GNPTAB: variants seen among roughly 807,000 people sequenced by gnomAD.
GNPTAB encodes the protein N-acetylglucosamine-1-phosphate transferase subunits alpha and beta, also known as N-acetylglucosamine-1-phosphotransferase subunits alpha/beta.
In GNPTAB, 92 loss-of-function variants were observed where a neutral mutation model predicts 136.6. That is an observed-to-expected ratio of 0.67 (90% confidence interval 0.57 to 0.80). The LOEUF (loss-of-function observed/expected upper bound fraction) is 0.80, where lower values mean the gene tolerates loss of function less well. Among genes scored for constraint, GNPTAB ranks in the 30% least tolerant of loss-of-function variants. The pLI is 0.00. For synonymous variants in GNPTAB, 512 were observed against 535.1 expected (o/e 0.96, Z 0.60); for missense variants, 1,343 against 1,501.8 (o/e 0.89, Z 1.75).
intron 20 of GNPTAB, among the ~76,000 whole-genome samples, chr12:101,748,676 G>C (rs1192575959): frequency 6.6e-6 from 1 of 152,200 alleles, no homozygotes; most frequent in East Asian, 1.9e-4. Flanking sequence ...GGAGCTACTG[G>C]TGTGAGTGGG....
At chr12:101,784,898 G>A (rs1171751107) in intron 5 of GNPTAB, among the ~76,000 whole-genome samples, 4 of 152,104 alleles carry the variant, frequency 2.6e-5, no homozygotes, top group African/African-American at 9.7e-5. Flanking sequence ...CCATGCAGAG[G>A]AGGAATGAGA....
At chr12:101,804,801 G>C (rs1461875612) in intron 1 of GNPTAB, among the ~76,000 whole-genome samples, 2 of 152,212 alleles carry the variant, frequency 1.3e-5, no homozygotes, top group African/African-American at 2.4e-5. Context: ...AAGGTGGCAA[G>C]TCAGAACAAC....
At chr12:101,752,421 TCAAAA>T (rs547835167) in intron 19 of GNPTAB, among the ~76,000 whole-genome samples, 30 of 152,274 alleles carry the variant, frequency 2.0e-4, no homozygotes, top group Admixed American at 2.6e-4. Context: ...CAAGACTGTC[TCAAAA>T]CAAAACAAAA....
chr12:101,761,418 G>C, intron 14 of GNPTAB, 72 bp from the exon 15 acceptor site: 1 of 1,497,500 alleles, frequency 6.7e-7, no homozygotes, highest in Non-Finnish European at 9.3e-7. Flanking sequence ...TGCAGAGATG[G>C]ACTTTTTTCT....
intron 1 of GNPTAB, among the ~76,000 whole-genome samples, chr12:101,809,185 A>ATGC (rs1870094776): frequency 6.6e-6 from 1 of 152,238 alleles, no homozygotes; most frequent in African/African-American, 2.4e-5. Flanking sequence ...ATATAAAATG[A>ATGC]TGCTCAACAT....
chr12:101,826,403 T>C (rs1187387997), intron 1 of GNPTAB, among the ~76,000 whole-genome samples: 2 of 152,156 alleles, frequency 1.3e-5, no homozygotes, highest in Admixed American at 6.5e-5. Context: ...TCTACAACCC[T>C]CTATTAGTAA....
intron 13 of GNPTAB, among the ~76,000 whole-genome samples, chr12:101,763,235 AAAG>A (rs1227802402): frequency 3.7e-4 from 27 of 73,754 alleles, no homozygotes; most frequent in East Asian, 1.6e-3. Context: ...AAAAAAAAAA[AAAG>A]AAAGGAAAGG....
chr12:101,783,304 T>C (rs1037615754), intron 5 of GNPTAB, among the ~76,000 whole-genome samples: 2 of 152,074 alleles, frequency 1.3e-5, no homozygotes, highest in African/African-American at 4.8e-5. Context: ...CACTTCCCAT[T>C]GACACATTTT....
At chr12:101,785,777 A>C (rs1868607994) in intron 5 of GNPTAB, 2 of 498,464 alleles carry the variant, frequency 4.0e-6, no homozygotes, top group Admixed American at 3.5e-5. Flanking sequence ...TATCAGATTG[A>C]AAGTCCTCAT....
At chr12:101,812,269 T>C (rs1173854508) in intron 1 of GNPTAB, among the ~76,000 whole-genome samples, 2 of 151,716 alleles carry the variant, frequency 1.3e-5, no homozygotes, top group Admixed American at 6.6e-5. Context: ...TAAATTAAAA[T>C]AAACAACCAG....
intron 18 of GNPTAB, among the ~76,000 whole-genome samples, chr12:101,754,514 AG>A (rs1203059808): frequency 2.0e-4 from 31 of 152,298 alleles, no homozygotes; most frequent in African/African-American, 7.2e-4. Flanking sequence ...AATAATTGAG[AG>A]AGAGAGACAG....
intron 1 of GNPTAB, among the ~76,000 whole-genome samples, chr12:101,825,283 T>C (rs538528078): frequency 6.6e-6 from 1 of 152,314 alleles, no homozygotes; most frequent in African/African-American, 2.4e-5. Context: ...CATCTTCCAC[T>C]GTACAGTCTA....
At chr12:101,827,816 C>T (rs535854802) in intron 1 of GNPTAB, among the ~76,000 whole-genome samples, 17 of 152,022 alleles carry the variant, frequency 1.1e-4, no homozygotes, top group Admixed American at 8.5e-4. Context: ...AATACAAAAA[C>T]TTAGTCTAGC....
At position 101,771,128 on chromosome 12, in the gene GNPTAB, C is replaced by T. The variant is rs764029931; in HGVS notation, c.801G>A (p.Ala267=). The T allele has an allele frequency of 1.3e-5, 21 of 1,613,696 alleles. No individual in the cohort carries two copies. The highest frequency in any genetic ancestry group is 3.3e-5 in the South Asian group (3 of 91,080). The change falls in exon 8 of 21, where the codon GCG becomes GCA. Residue 267 remains alanine (A), a synonymous_variant. Coordinates refer to ENST00000299314, the MANE Select transcript of GNPTAB (RefSeq NM_024312.5). ...LLQLYSEASV[A]LLKLNNPKDF... The stretch of plus-strand genomic sequence containing the variant: ...CCTTGGGGTTATTCAGTTTTAGAAG[C>T]GCTACACTGGCCTCTGAATACAACT...
Position 101,804,414 on chromosome 12 carries a change from T to C in GNPTAB, c.118-7652A>G, listed in dbSNP as rs114109873. 2.2e-3 allele frequency among the ~76,000 whole-genome samples: 329 copies of C among 151,952 alleles called. 1 individual carries two copies. Among genetic ancestry groups the C allele is most frequent in the African/African-American group, 6.6e-3 (275 of 41,450 alleles). On this transcript the variant is annotated intron_variant, in intron 1 of 20. Transcript: ENST00000299314. ...TATTCAAACCGACTTTCTGAATATATCTATGTTGTTTGTTTTATTGCTCAG... is the reference window on the plus strand; with the variant it reads ...TATTCAAACCGACTTTCTGAATATACCTATGTTGTTTGTTTTATTGCTCAG...
intron 5 of GNPTAB, among the ~76,000 whole-genome samples, chr12:101,784,594 G>A (rs1190220146): frequency 6.6e-6 from 1 of 151,954 alleles, no homozygotes; most frequent in Non-Finnish European, 1.5e-5. Flanking sequence ...CATAGACAGA[G>A]CAGGAGTCCG....
chr12:101,755,790 A>G (rs1952893116), intron 18 of GNPTAB, among the ~76,000 whole-genome samples: 1 of 152,256 alleles, frequency 6.6e-6, no homozygotes, highest in Non-Finnish European at 1.5e-5. Flanking sequence ...TCAGGTACAC[A>G]AGAGGCAGCT....
chr12:101,789,885 C>T (rs1868878577), intron 3 of GNPTAB, 53 bp downstream of exon 3: 2 of 1,542,218 alleles, frequency 1.3e-6, no homozygotes, highest in Non-Finnish European at 1.8e-6. Context: ...ACCCTCAGAC[C>T]TTATTACATC....
chr12:101,757,602 T>C lies in GNPTAB; in HGVS notation c.3305A>G (p.His1102Arg). The C allele has an allele frequency of 6.3e-7, 1 of 1,581,680 alleles. No individual in the cohort carries two copies. The part of the protein sequence containing the change: ...TNCKPVTDKI[H>R]KAYKDKNKYR... ...TTTGTTTTTGTCCTTATATGCTTTG[T>C]GGATTTTGTCAGTTACTGGTTTACA... The change falls in exon 17 of 21, where the codon CAC becomes CGC. Residue 1102 changes from histidine to arginine, a missense_variant. Coordinates refer to ENST00000299314, the MANE Select transcript of GNPTAB (RefSeq NM_024312.5).
Sources: allele counts gnomAD v4.1 joint callset (sites outside exome capture counted in the v4.1 genomes callset), GRCh38; gene constraint gnomAD v4.1.1; transcripts MANE v1.5; gene names NCBI Gene and HGNC (gene_info 2026-07-23, HGNC 2026-07-21).